BMP6: variants seen among roughly 807,000 people sequenced by gnomAD.
The protein encoded by BMP6 is bone morphogenetic protein 6.
Under a neutral mutation model 54.1 loss-of-function variants are expected in BMP6, and 17 were observed. That is an observed-to-expected ratio of 0.31 (90% CI 0.22 to 0.47). The LOEUF is 0.47. Ranked by LOEUF, BMP6 falls within the 20% of genes least tolerant of loss-of-function variation. BMP6 has a pLI of 1.00. For synonymous variants in BMP6, 328 were observed against 291.2 expected (o/e 1.13, Z -1.28); for missense variants, 720 against 690.4 (o/e 1.04, Z -0.48).
chr6:7,762,396 G>A lies in BMP6; in HGVS notation c.664+34777G>A, dbSNP rs536020609. On this transcript the variant is annotated intron_variant, in intron 1 of 6. Coordinates refer to ENST00000283147, the MANE Select transcript of BMP6 (RefSeq NM_001718.6). The stretch of plus-strand genomic sequence containing the variant: ...AATGATCTTGAAGGTTTGCTTTAAT[G>A]ATCTTGAAGGTTTGCTTTAATAGTC... Among the ~76,000 whole-genome samples, 4 of 152,292 alleles carry A rather than the reference G, an allele frequency of 2.6e-5. No individual in the cohort carries two copies. The South Asian group carries it at 8.3e-4, about 32-fold the overall frequency.
chr6:7,835,783 A>G (rs1758864944), intron 1 of BMP6, among the ~76,000 whole-genome samples: 1 of 152,120 alleles, frequency 6.6e-6, no homozygotes, highest in Admixed American at 6.5e-5. Context: ...AAGGTCCACT[A>G]CTAATTTCCA....
intron 1 of BMP6, among the ~76,000 whole-genome samples, chr6:7,755,497 T>C (rs1326627418): frequency 1.3e-5 from 2 of 152,364 alleles, no homozygotes; most frequent in East Asian, 3.9e-4. Context: ...ATTGTTTTCA[T>C]ATATTTTATT....
At chr6:7,856,225 T>G (rs1759230750) in intron 2 of BMP6, among the ~76,000 whole-genome samples, 1 of 152,142 alleles carries the variant, frequency 6.6e-6, no homozygotes, top group South Asian at 2.1e-4. Flanking sequence ...TTTACTCTTT[T>G]TTGTAGTACT....
intron 1 of BMP6, among the ~76,000 whole-genome samples, chr6:7,765,983 C>A (rs1011656956): frequency 1.3e-4 from 20 of 152,178 alleles, no homozygotes; most frequent in African/African-American, 4.6e-4. Context: ...GCTGAATAAT[C>A]CAGATCCTTT....
chr6:7,803,407 G>C (rs1314093977), intron 1 of BMP6, among the ~76,000 whole-genome samples: 2 of 152,174 alleles, frequency 1.3e-5, no homozygotes, highest in East Asian at 1.9e-4. Context: ...GTCTCTGTGG[G>C]TTATGATACA....
At position 7,845,336 on chromosome 6, in the gene BMP6, T is replaced by G. The variant is rs765179732; in HGVS notation, c.857+4T>G. The G allele has an allele frequency of 6.2e-7, 1 of 1,608,340 alleles. No homozygotes were observed. The highest frequency in any genetic ancestry group is 2.2e-5 in the East Asian group (1 of 44,772). On this transcript the variant is annotated splice_donor_region_variant and intron_variant, in intron 2 of 6. Coordinates refer to ENST00000283147, the MANE Select transcript of BMP6 (RefSeq NM_001718.6). Reference sequence around the variant, plus strand: ...TCTTACAGGAGCATCAGCACAGGTATGAAGGCTCGAGAAAGCCCCAAAGGT... The same window carrying G: ...TCTTACAGGAGCATCAGCACAGGTAGGAAGGCTCGAGAAAGCCCCAAAGGT...
chr6:7,834,043 A>G (rs1758832837), intron 1 of BMP6, among the ~76,000 whole-genome samples: 1 of 152,188 alleles, frequency 6.6e-6, no homozygotes, highest in African/African-American at 2.4e-5. Flanking sequence ...TGCAAAGACC[A>G]ACACTAGCGC....
At chr6:7,865,512 T>C (rs564546960) in intron 4 of BMP6, among the ~76,000 whole-genome samples, 3 of 152,192 alleles carry the variant, frequency 2.0e-5, no homozygotes, top group Admixed American at 1.3e-4. Flanking sequence ...TCTTTCTTCC[T>C]TATCTATTCT....
Position 7,862,343 on chromosome 6 carries a change from A to T in BMP6, c.1049A>T (p.Asp350Val). 1 of 1,614,182 alleles carries T rather than the reference A, an allele frequency of 6.2e-7. No homozygotes were observed. Among genetic ancestry groups the T allele is most frequent in the East Asian group, 2.2e-5 (1 of 44,882 alleles). The change falls in exon 4 of 7, where the codon GAC becomes GTC. Residue 350 changes from aspartate to valine, a missense_variant. Transcript: ENST00000283147. Reference sequence around the variant, plus strand: ...CGAGCCGCAGGCCTGGTGGGCAGAGACGGCCCTTACGACAAGCAGCCCTTC... The same window carrying T: ...CGAGCCGCAGGCCTGGTGGGCAGAGTCGGCCCTTACGACAAGCAGCCCTTC... Reference protein sequence around the residue: ...HPRAAGLVGRDGPYDKQPFMV... With the variant: ...HPRAAGLVGRVGPYDKQPFMV...
At chr6:7,789,289 A>T (rs1416166970) in intron 1 of BMP6, among the ~76,000 whole-genome samples, 1 of 152,220 alleles carries the variant, frequency 6.6e-6, no homozygotes, top group African/African-American at 2.4e-5. Flanking sequence ...GAAGGAGTTC[A>T]TATGGAAACT....
rs555603443 is a variant in BMP6, at chr6:7,791,311, T to G, written c.665-53829T>G. Among the ~76,000 whole-genome samples the G allele has an allele frequency of 2.0e-5, 3 of 152,304 alleles. No homozygotes were observed. In the East Asian group the frequency reaches 5.8e-4, roughly 29 times the overall value. ...TTTCAGTAGACCTCTGAGTCCCTCC[T>G]CTGTGTTTGCGTCCACTCCCACTGC... is the stretch of plus-strand genomic sequence containing the variant. On this transcript the variant is annotated intron_variant, in intron 1 of 6. Transcript: ENST00000283147.
At chr6:7,792,074 A>C (rs1464547648) in intron 1 of BMP6, among the ~76,000 whole-genome samples, 1 of 152,186 alleles carries the variant, frequency 6.6e-6, no homozygotes, top group Non-Finnish European at 1.5e-5. Flanking sequence ...TGACAATTCA[A>C]AATCCATAAC....
At chr6:7,817,531 A>G (rs1318752920) in intron 1 of BMP6, among the ~76,000 whole-genome samples, 1 of 131,646 alleles carries the variant, frequency 7.6e-6, no homozygotes, top group Admixed American at 9.0e-5. Flanking sequence ...CAATGAGAAC[A>G]CTTGGACACA....
At chr6:7,855,895 T>G (rs528720231) in intron 2 of BMP6, among the ~76,000 whole-genome samples, 54 of 152,124 alleles carry the variant, frequency 3.5e-4, no homozygotes, top group African/African-American at 1.1e-3. Context: ...AGTATTTACC[T>G]CTTACGGTTG....
At chr6:7,873,011 G>GC (rs979106478) in intron 4 of BMP6, among the ~76,000 whole-genome samples, 12 of 152,026 alleles carry the variant, frequency 7.9e-5, no homozygotes, top group African/African-American at 2.9e-4. Context: ...GGTCTGTGTT[G>GC]CCCAGGCTGA....
intron 1 of BMP6, among the ~76,000 whole-genome samples, chr6:7,771,304 T>C (rs1188379831): frequency 2.0e-5 from 3 of 152,218 alleles, no homozygotes; most frequent in Non-Finnish European, 4.4e-5. Context: ...CTCCAGTCCA[T>C]GTCCTCAGAG....
chr6:7,847,014 ATTG>A (rs926311927), intron 2 of BMP6, among the ~76,000 whole-genome samples: 2 of 152,202 alleles, frequency 1.3e-5, no homozygotes, highest in Non-Finnish European at 2.9e-5. Flanking sequence ...ATTTAAAAAA[ATTG>A]TTATTTGTTT....
At chr6:7,746,920 T>C (rs905315895) in intron 1 of BMP6, among the ~76,000 whole-genome samples, 4 of 152,206 alleles carry the variant, frequency 2.6e-5, no homozygotes, top group African/African-American at 7.2e-5. Flanking sequence ...GTCTCCACTC[T>C]GTTGGCCAAC....
chr6:7,869,635 G>C (rs1041416981), intron 4 of BMP6, among the ~76,000 whole-genome samples: 1 of 152,166 alleles, frequency 6.6e-6, no homozygotes, highest in African/African-American at 2.4e-5. Flanking sequence ...CCCCGTCACT[G>C]TCACATGGGC....
Sources: allele counts gnomAD v4.1 joint callset (sites outside exome capture counted in the v4.1 genomes callset), GRCh38; gene constraint gnomAD v4.1.1; transcripts MANE v1.5; gene names NCBI Gene and HGNC (gene_info 2026-07-23, HGNC 2026-07-21).